BNC2: variants seen among roughly 807,000 people sequenced by gnomAD.
BNC2 encodes the protein basonuclin zinc finger protein 2.
A neutral mutation model predicts 76.3 loss-of-function variants in BNC2; 20 were observed. The observed-to-expected ratio is 0.26, with a 90% CI of 0.18 to 0.38. BNC2 has a LOEUF of 0.38. Ranked by LOEUF, BNC2 falls within the 10% of genes least tolerant of loss-of-function variation. The pLI is 1.00. For synonymous variants in BNC2, 582 were observed against 514.8 expected (o/e 1.13, Z -1.77); for missense variants, 1,382 against 1,399.8 (o/e 0.99, Z 0.20).
chr9:16,471,484 G>A (rs1399043053), intron 5 of BNC2, among the ~76,000 whole-genome samples: 1 of 152,058 alleles, frequency 6.6e-6, no homozygotes, highest in African/African-American at 2.4e-5. Flanking sequence ...AGTAGAGACA[G>A]GGTTTCACTA....
chr9:16,652,537 T>A (rs959645467), intron 3 of BNC2, among the ~76,000 whole-genome samples: 2 of 152,210 alleles, frequency 1.3e-5, no homozygotes, highest in South Asian at 2.1e-4. Context: ...TAAAGTGAAT[T>A]ATACAAATGT....
chr9:16,794,886 C>A (rs528881182), intron 1 of BNC2, among the ~76,000 whole-genome samples: 4 of 142,526 alleles, frequency 2.8e-5, no homozygotes, highest in South Asian at 5.6e-4. Context: ...ATTACAACAG[C>A]TTATCTGATG....
intron 3 of BNC2, among the ~76,000 whole-genome samples, chr9:16,665,444 AAG>A (rs1491430384): frequency 3.9e-5 from 4 of 102,828 alleles, no homozygotes; most frequent in East Asian, 3.6e-4. Flanking sequence ...AAAAGAAAGA[AAG>A]AAAGAAAGAA....
chr9:16,472,527 G>C (rs967318083), intron 5 of BNC2, among the ~76,000 whole-genome samples: 1 of 152,202 alleles, frequency 6.6e-6, no homozygotes, highest in Non-Finnish European at 1.5e-5. Context: ...GAGGTCACAT[G>C]GCTTAGTTAC....
intron 1 of BNC2, among the ~76,000 whole-genome samples, chr9:16,741,933 G>C (rs547088466): frequency 6.9e-6 from 1 of 144,138 alleles, no homozygotes; most frequent in Non-Finnish European, 1.5e-5. Flanking sequence ...ACTGCAGCCT[G>C]GGTGACAAAG....
intron 5 of BNC2, among the ~76,000 whole-genome samples, chr9:16,447,800 T>TAA (rs1821258607): frequency 6.6e-6 from 1 of 152,026 alleles, no homozygotes; most frequent in Admixed American, 6.6e-5. Flanking sequence ...AAAATAAATG[T>TAA]TATATATCAA....
chr9:16,540,580 A>G lies in BNC2; in HGVS notation c.669+11950T>C, dbSNP rs115689258. On this transcript the variant is annotated intron_variant, in intron 5 of 6. Transcript: ENST00000380672. Reference sequence around the variant, plus strand: ...CAATAGCCTTATAAGGCATACAAGCATAACTGGCTACAAAAAAGTGTATAT... The same window carrying G: ...CAATAGCCTTATAAGGCATACAAGCGTAACTGGCTACAAAAAAGTGTATAT... Among the ~76,000 whole-genome samples the G allele has an allele frequency of 1.6e-3, 242 of 152,308 alleles. 1 individual carries two copies. Among genetic ancestry groups the G allele is most frequent in the African/African-American group, 5.5e-3 (230 of 41,562 alleles).
At position 16,851,352 on chromosome 9, in the gene BNC2, A is replaced by T. The variant is rs569927441; in HGVS notation, c.3+19294T>A. On this transcript the variant is annotated intron_variant, in intron 1 of 6. Coordinates refer to ENST00000380672, the MANE Select transcript of BNC2 (RefSeq NM_017637.6). ...GTGAGACCTTGTCTCTACAAAAAAA[A>T]AAACTTACCCAGGCATGATGGCTCA... Among the ~76,000 whole-genome samples, 13 of 152,042 alleles carry T rather than the reference A, an allele frequency of 8.6e-5. No homozygotes were observed. In the South Asian group the frequency reaches 2.7e-3, roughly 32 times the overall value.
intron 2 of BNC2, among the ~76,000 whole-genome samples, chr9:16,728,829 A>T (rs1203704007): frequency 6.6e-6 from 1 of 152,110 alleles, no homozygotes; most frequent in African/African-American, 2.4e-5. Flanking sequence ...TAATTACTAA[A>T]CTGGATGTTA....
At chr9:16,510,098 T>C (rs575064959) in intron 5 of BNC2, among the ~76,000 whole-genome samples, 7 of 152,360 alleles carry the variant, frequency 4.6e-5, no homozygotes, top group African/African-American at 1.7e-4. Flanking sequence ...CTATGAGTCA[T>C]AACACATTGC....
intron 5 of BNC2, among the ~76,000 whole-genome samples, chr9:16,447,417 G>C (rs1821251955): frequency 6.6e-6 from 1 of 152,062 alleles, no homozygotes; most frequent in Non-Finnish European, 1.5e-5. Context: ...TTTATGCCTA[G>C]AATCTGAACA....
intron 5 of BNC2, among the ~76,000 whole-genome samples, chr9:16,470,433 C>T (rs977820170): frequency 6.6e-6 from 1 of 152,186 alleles, no homozygotes; most frequent in Admixed American, 6.5e-5. Context: ...CAGCAAGGAG[C>T]CTAATGTTAA....
chr9:16,745,914 C>A (rs761766860), intron 1 of BNC2, among the ~76,000 whole-genome samples: 4 of 152,082 alleles, frequency 2.6e-5, no homozygotes, highest in Non-Finnish European at 4.4e-5. Context: ...CTAGGGGAGA[C>A]CTTTTTTGAA....
chr9:16,735,310 T>C (rs1380905487), intron 2 of BNC2, among the ~76,000 whole-genome samples: 1 of 151,790 alleles, frequency 6.6e-6, no homozygotes, highest in Non-Finnish European at 1.5e-5. Flanking sequence ...ACAGTAACAG[T>C]GGCTTCTTTA....
chr9:16,471,893 G>A (rs756285418), intron 5 of BNC2, among the ~76,000 whole-genome samples: 81 of 152,238 alleles, frequency 5.3e-4, no homozygotes, highest in Admixed American at 3.4e-3. Flanking sequence ...GGTCTTTGCC[G>A]TGCTATTCTT....
intron 5 of BNC2, among the ~76,000 whole-genome samples, chr9:16,492,668 G>A (rs1365166854): frequency 6.6e-6 from 1 of 151,588 alleles, no homozygotes; most frequent in Non-Finnish European, 1.5e-5. Context: ...TACAGGTTAT[G>A]CATCGAATAA....
In BNC2 at chr9:16,587,358, C is replaced by T. The variant is rs537679809; in HGVS notation, c.331-4273G>A. ...CTTCCCCAGTAGCTGGGACTACAGG[C>T]GTGCACCATCACGTTGAGCTAAGAA... is the stretch of plus-strand genomic sequence containing the variant. On this transcript the variant is annotated intron_variant, in intron 3 of 6. Transcript: ENST00000380672. Among the ~76,000 whole-genome samples the T allele has an allele frequency of 8.5e-5, 13 of 152,178 alleles. No individual in the cohort carries two copies. The South Asian group carries it at 2.5e-3, about 29-fold the overall frequency.
Position 16,833,467 on chromosome 9 carries a change from TTCG to T in BNC2, c.3+37176_3+37178del, listed in dbSNP as rs561293927. On this transcript the variant is annotated intron_variant, in intron 1 of 6. Coordinates refer to ENST00000380672, the MANE Select transcript of BNC2 (RefSeq NM_017637.6). ...AAAACTAGCTTGGGAAGCCAAGAGC[TTCG>T]AGGTCATTAGCCTCAGAGCAGTAAT... 7.2e-4 allele frequency among the ~76,000 whole-genome samples: 109 copies of T among 152,322 alleles called. 1 individual carries two copies. In the South Asian group the frequency reaches 0.021, roughly 30 times the overall value.
chr9:16,645,754 T>C (rs1232024680), intron 3 of BNC2, among the ~76,000 whole-genome samples: 6 of 152,202 alleles, frequency 3.9e-5, no homozygotes, highest in Non-Finnish European at 7.3e-5. Context: ...TCTTAGCATA[T>C]TGCTTATAAT....
Sources: gnomAD v4.1 joint callset for allele counts (sites outside exome capture counted in the v4.1 genomes callset) on GRCh38, gnomAD v4.1.1 for gene constraint, MANE v1.5 for transcripts, NCBI Gene and HGNC (gene_info 2026-07-23, HGNC 2026-07-21) for gene names.